Variants in PER1 observed in about 807,000 individuals in gnomAD.
The protein encoded by PER1 is period circadian regulator 1.
Under a neutral mutation model 125.9 loss-of-function variants are expected in PER1, and 87 were observed. The ratio of observed to expected loss-of-function variants is 0.69; its 90% CI spans 0.58 to 0.83. The LOEUF is 0.83. Among genes scored for constraint, PER1 ranks in the 40% least tolerant of loss-of-function variants. The pLI, the probability that PER1 is intolerant of heterozygous loss-of-function variation, is 0.00. For missense variants in PER1, 1,775 were observed against 1,722.8 expected (o/e 1.03, Z -0.54); for synonymous variants, 801 against 714.7 (o/e 1.12, Z -1.93).
Position 8,149,541 on chromosome 17 carries a change from C to T in PER1, c.774G>A (p.Leu258=). The change falls in exon 6 of 23, where the codon CTG becomes CTA. Residue 258 remains leucine, a synonymous_variant. Coordinates refer to ENST00000317276, the MANE Select transcript of PER1 (RefSeq NM_002616.3). ...AGAAGACTCCCACATCCTGGGGAGC[C>T]AGGAGCTCAGAGAAGCGGGTACCCC... ...VFRGTRFSEL[L]APQDVGVFYG... is the part of the protein sequence containing the mutation. 1 of 1,613,906 alleles carries T rather than the reference C, an allele frequency of 6.2e-7. No individual in the cohort carries two copies. Among genetic ancestry groups the T allele is most frequent in the Non-Finnish European group, 8.5e-7 (1 of 1,179,996 alleles).
chr17:8,140,821 A>C lies in PER1; in HGVS notation c.*247T>G. The C allele has an allele frequency of 6.4e-6, 3 of 469,628 alleles. No homozygotes were observed. Among genetic ancestry groups the C allele is most frequent in the East Asian group, 3.2e-5 (1 of 31,660 alleles). The allele number at this position is 469,628 out of a possible 1,614,324, so 29.1% of individuals were successfully genotyped here. On this transcript the variant is annotated 3_prime_UTR_variant, in exon 23 of 23. Transcript: ENST00000317276. ...TCAGCAACTTTGTCCAGGGGAGGGA[A>C]GGATTCCTCTCCAAAGGTGGGAGGT... is the stretch of plus-strand genomic sequence containing the variant.
chr17:8,144,629 A>T, intron 18 of PER1, 122 bp downstream of exon 18: 1 of 1,318,994 alleles, frequency 7.6e-7, no homozygotes, highest in Non-Finnish European at 1.1e-6. Flanking sequence ...GGCAGGGCCT[A>T]GTGGTGGAAG....
In PER1 at chr17:8,140,990, C is replaced by T; in HGVS notation, c.*78G>A. The T allele has an allele frequency of 6.7e-7, 1 of 1,495,188 alleles. No individual in the cohort carries two copies. The highest frequency in any genetic ancestry group is 9.1e-7 in the Non-Finnish European group (1 of 1,099,206). 92.6% of individuals were successfully genotyped at this position (1,495,188 alleles called of 1,614,324 possible). A position where few individuals can be genotyped will look rare whatever the true frequency, so the allele number is the denominator to read the frequency against. On this transcript the variant is annotated 3_prime_UTR_variant, in exon 23 of 23. Coordinates refer to ENST00000317276, the MANE Select transcript of PER1 (RefSeq NM_002616.3). Reference sequence around the variant, plus strand: ...GCAGTTTCCCACTGGTTGGTCTAGCCACATCTGAGTTCTGAGAATTGGGAC... The same window carrying T: ...GCAGTTTCCCACTGGTTGGTCTAGCTACATCTGAGTTCTGAGAATTGGGAC...
At chr17:8,147,916 G>A in intron 10 of PER1, 81 bp downstream of exon 10, 4 of 1,584,172 alleles carry the variant, frequency 2.5e-6, no homozygotes, top group East Asian at 2.3e-5. Flanking sequence ...GGAGACCAAG[G>A]CACCAAGAGA....
Position 8,141,274 on chromosome 17 carries a change from G to A in PER1, c.3667C>T (p.Leu1223=), listed in dbSNP as rs777198705. 6.2e-6 allele frequency: 10 copies of A among 1,614,010 alleles called. No individual in the cohort carries two copies. The highest frequency in any genetic ancestry group is 1.7e-6 in the Non-Finnish European group (2 of 1,180,036). Reference sequence around the variant, plus strand: ...ATGGGCTCCAGCCCCAGTCCATCCAGCTCTGAGAAGAGTGGGTCATCAGGG... The same window carrying A: ...ATGGGCTCCAGCCCCAGTCCATCCAACTCTGAGAAGAGTGGGTCATCAGGG... The part of the protein sequence containing the change: ...GHPDDPLFSE[L]DGLGLEPMEE... The change falls in exon 23 of 23, where the codon CTG becomes TTG. Residue 1223 remains leucine, a synonymous_variant. Transcript: ENST00000317276.
At position 8,142,340 on chromosome 17, in the gene PER1, G is replaced by C; in HGVS notation, c.3378C>G (p.Leu1126=). ...CCATGAGCAGCCAAATGGGATCCTG[G>C]AGCACGTACTTAATCACCTGGTCCC... ...EPGDQVIKYV[L]QDPIWLLMAN... is the part of the protein sequence containing the mutation. Residue 1126 remains leucine, a synonymous_variant, in exon 21 of 23, where the codon CTC becomes CTG. Transcript: ENST00000317276. The C allele has an allele frequency of 1.9e-6, 3 of 1,613,860 alleles. No individual in the cohort carries two copies. In the East Asian group the frequency reaches 6.7e-5, roughly 36 times the overall value.
At chr17:8,145,917 C>T (rs375588562) in intron 17 of PER1, 41 bp downstream of exon 17, 13 of 1,544,456 alleles carry the variant, frequency 8.4e-6, no homozygotes, top group African/African-American at 4.1e-5. Context: ...GCTGGGAGAC[C>T]GGTGGAGCCC....
chr17:8,149,155 G>A, intron 7 of PER1, 104 bp downstream of exon 7: 1 of 1,073,648 alleles, frequency 9.3e-7, no homozygotes, highest in Non-Finnish European at 1.4e-6. Context: ...TGCCACCGCA[G>A]TCCAGCCTGG....
rs749618426 is a variant in PER1, at chr17:8,148,243, A to C, written c.1065T>G (p.Pro355=). Residue 355 remains proline (P), a synonymous_variant, in exon 9 of 23, where the codon CCT becomes CCG. Transcript: ENST00000317276. ...GCCGCGTAGTGAAAATCCTCTTGTC[A>C]GGGGGTATCCGGGGAGCTGAGGCAC... ...HSGYEAPRIP[P]DKRIFTTRHT... 1.9e-6 allele frequency: 3 copies of C among 1,614,014 alleles called. No individual in the cohort carries two copies. The highest frequency in any genetic ancestry group is 3.3e-5 in the Admixed American group (2 of 60,010).
At chr17:8,148,405 C>T (rs1982598216) in intron 8 of PER1, 146 bp from the exon 9 acceptor site, 3 of 811,046 alleles carry the variant, frequency 3.7e-6, no homozygotes, top group Non-Finnish European at 2.0e-6. Flanking sequence ...CTGGGCCAAT[C>T]CTATGCCCTG....
In PER1 at chr17:8,147,384, G is replaced by A. The variant is rs1299892378; in HGVS notation, c.1498-3C>T. On this transcript the variant is annotated splice_region_variant and splice_polypyrimidine_tract_variant and intron_variant, in intron 12 of 22. Coordinates refer to ENST00000317276, the MANE Select transcript of PER1 (RefSeq NM_002616.3). Reference sequence around the variant, plus strand: ...GTGGGGCTGGGGCTGTGGACGGGCTGCAGCAGGGAGAGGGCAGGTTAGATG... The same window carrying A: ...GTGGGGCTGGGGCTGTGGACGGGCTACAGCAGGGAGAGGGCAGGTTAGATG... The A allele has an allele frequency of 9.3e-6, 15 of 1,613,572 alleles. No individual in the cohort carries two copies. Among genetic ancestry groups the A allele is most frequent in the Non-Finnish European group, 1.2e-5 (14 of 1,179,916 alleles).
chr17:8,150,493 T>G lies in PER1; in HGVS notation c.214A>C (p.Ser72Arg), dbSNP rs760487962. ...TCCTTGCCGTTGCCTGAGGAGGAGC[T>G]GTGTGAGCTCCGCTGAGATGCGCCT... ...SRGASQRSSH[S>R]SSSGNGKDSA... Residue 72 changes from serine (S) to arginine (R), a missense_variant, in exon 2 of 23, where the codon AGC (serine) becomes CGC (arginine). By Grantham distance (110) the Ser-to-Arg change is moderately radical. Transcript: ENST00000317276. The G allele has an allele frequency of 6.2e-7, 1 of 1,614,024 alleles. No individual in the cohort carries two copies. Among genetic ancestry groups the G allele is most frequent in the African/African-American group, 1.3e-5 (1 of 74,924 alleles).
Position 8,141,254 on chromosome 17 carries a change from C to T in PER1, c.3687G>A (p.Glu1229=). The T allele has an allele frequency of 6.2e-7, 1 of 1,614,214 alleles. No individual in the cohort carries two copies. Among genetic ancestry groups the T allele is most frequent in the Non-Finnish European group, 8.5e-7 (1 of 1,180,046 alleles). The change falls in exon 23 of 23, where the codon GAG becomes GAA. Residue 1229 remains glutamate (E), a synonymous_variant. Transcript: ENST00000317276. The part of the protein sequence containing the change: ...LFSELDGLGL[E]PMEEGGGEQG... ...GCTCGCCTCCACCCTCTTCCATGGGCTCCAGCCCCAGTCCATCCAGCTCTG... is the reference window on the plus strand; with the variant it reads ...GCTCGCCTCCACCCTCTTCCATGGGTTCCAGCCCCAGTCCATCCAGCTCTG...
In PER1 at chr17:8,143,422, T is replaced by G. The variant is rs1168944657; in HGVS notation, c.2916A>C (p.Pro972=). The change falls in exon 19 of 23, where the codon CCA becomes CCC. Residue 972 remains proline, a synonymous_variant. Transcript: ENST00000317276. ...GAGAGCTGCATCTCGAGTTGAACAGTGGAGAGTCCGGGCGGTGAGGAGGAC... is the reference window on the plus strand; with the variant it reads ...GAGAGCTGCATCTCGAGTTGAACAGGGGAGAGTCCGGGCGGTGAGGAGGAC... ...APSPPHRPDS[P]LFNSRCSSPL... is the part of the protein sequence containing the mutation. The G allele has an allele frequency of 1.2e-6, 2 of 1,611,688 alleles. No individual in the cohort carries two copies. The highest frequency in any genetic ancestry group is 1.7e-6 in the Non-Finnish European group (2 of 1,179,106).
At chr17:8,146,850 G>T in intron 14 of PER1, 47 bp downstream of exon 14, 1 of 1,604,086 alleles carries the variant, frequency 6.2e-7, no homozygotes, top group African/African-American at 1.3e-5. Context: ...GAAGGTCAGG[G>T]GACCCCCCAG....
rs1168429387 is a variant in PER1 at position 8,150,270 on chromosome 17, C to T, written c.323G>A (p.Ser108Asn). The change falls in exon 3 of 23, where the codon AGC (serine) becomes AAC (asparagine). Residue 108 changes from serine to asparagine, a missense_variant. Coordinates refer to ENST00000317276, the MANE Select transcript of PER1 (RefSeq NM_002616.3). ...CTGCTCTGAGCTGGCACTCAGGAGGCTGTAGGCAATGGAACTGCTGGGTGG... is the reference window on the plus strand; with the variant it reads ...CTGCTCTGAGCTGGCACTCAGGAGGTTGTAGGCAATGGAACTGCTGGGTGG... ...PSPPSSSIAYSLLSASSEQDN... is the reference protein window; with the variant it reads ...PSPPSSSIAYNLLSASSEQDN... The T allele has an allele frequency of 6.4e-7, 1 of 1,568,620 alleles. No homozygotes were observed. Among genetic ancestry groups the T allele is most frequent in the Non-Finnish European group, 8.7e-7 (1 of 1,153,800 alleles).
At position 8,150,822 on chromosome 17, in the gene PER1, G is replaced by A. The variant is rs1046436649; in HGVS notation, c.-116C>T. ...TGGAAGATCTAAGTCTCTGAGGGTT[G>A]AGAAGTTCGATCACAGCCAGTACCT... is the stretch of plus-strand genomic sequence containing the variant. On this transcript the variant is annotated 5_prime_UTR_variant, in exon 2 of 23. Coordinates refer to ENST00000317276, the MANE Select transcript of PER1 (RefSeq NM_002616.3). 4 of 984,840 alleles carry A rather than the reference G, an allele frequency of 4.1e-6. No individual in the cohort carries two copies. Among genetic ancestry groups the A allele is most frequent in the Non-Finnish European group, 4.4e-6 (3 of 684,432 alleles). The allele number at this position is 984,840 out of a possible 1,614,324, so 61.0% of individuals were successfully genotyped here. A position where few individuals can be genotyped will look rare whatever the true frequency, so the allele number is the denominator to read the frequency against.
intron 19 of PER1, 41 bp downstream of exon 19, chr17:8,143,225 G>A (rs1426943936): frequency 8.9e-6 from 12 of 1,347,296 alleles, no homozygotes; most frequent in Non-Finnish European, 1.1e-5. Context: ...GGGCGGGGCT[G>A]GGGTGGGGGC....
Position 8,143,602 on chromosome 17 carries a change from G to T in PER1, c.2736C>A (p.Ala912=). The change falls in exon 19 of 23, where the codon GCC becomes GCA. Residue 912 remains alanine (A), a synonymous_variant. Coordinates refer to ENST00000317276, the MANE Select transcript of PER1 (RefSeq NM_002616.3). The part of the protein sequence containing the change: ...PTSVPPAAFP[A]PLVTPMVALV... Reference sequence around the variant, plus strand: ...AGGCCACCATTGGGGTCACCAAAGGGGCGGGGAAAGCAGCTGGGGGCACAG... The same window carrying T: ...AGGCCACCATTGGGGTCACCAAAGGTGCGGGGAAAGCAGCTGGGGGCACAG... 1 of 1,459,866 alleles carries T rather than the reference G, an allele frequency of 6.8e-7. No homozygotes were observed. The highest frequency in any genetic ancestry group is 9.1e-7 in the Non-Finnish European group (1 of 1,101,140). 90.4% of individuals were successfully genotyped at this position (1,459,866 alleles called of 1,614,324 possible). A position where few individuals can be genotyped will look rare whatever the true frequency, so the allele number is the denominator to read the frequency against.
Sources: gnomAD v4.1 joint callset for allele counts on GRCh38, gnomAD v4.1.1 for gene constraint, MANE v1.5 for transcripts, NCBI Gene and HGNC (gene_info 2026-07-23, HGNC 2026-07-21) for gene names.